Variants in PIP5K1B observed in about 807,000 individuals in gnomAD.
PIP5K1B encodes the protein phosphatidylinositol-4-phosphate 5-kinase type 1 beta.
PIP5K1B carries 42 observed loss-of-function variants against 67.0 expected under a neutral mutation model. The ratio of observed to expected loss-of-function variants is 0.63; its 90% CI spans 0.49 to 0.81. PIP5K1B has a LOEUF of 0.81. Among genes scored for constraint, PIP5K1B ranks in the 30% least tolerant of loss-of-function variants. The pLI, the probability that PIP5K1B is intolerant of heterozygous loss-of-function variation, is 0.00. For synonymous variants in PIP5K1B, 214 were observed against 231.4 expected, an observed-to-expected ratio of 0.92 and a Z score of 0.68; for missense variants, 459 against 646.3, an observed-to-expected ratio of 0.71 and a Z score of 3.14.
At chr9:68,992,352 G>A (rs911844446) in intron 15 of PIP5K1B, among the ~76,000 whole-genome samples, 4 of 152,260 alleles carry the variant, frequency 2.6e-5, no homozygotes, top group Non-Finnish European at 5.9e-5. Flanking sequence ...CCAATACTCT[G>A]TGTCGCTCCT....
chr9:68,913,248 G>T (rs940824886), intron 8 of PIP5K1B, among the ~76,000 whole-genome samples: 7 of 152,144 alleles, frequency 4.6e-5, no homozygotes, highest in East Asian at 3.8e-4. Context: ...AGAGCTAGAC[G>T]GAAAGGCACC....
intron 1 of PIP5K1B, among the ~76,000 whole-genome samples, chr9:68,715,458 C>T (rs1409052403): frequency 6.6e-6 from 1 of 152,170 alleles, no homozygotes; most frequent in Non-Finnish European, 1.5e-5. Context: ...ACTCTCGTTG[C>T]CCCCTTTGGA....
At chr9:68,947,057 C>A (rs1827836582) in intron 14 of PIP5K1B, among the ~76,000 whole-genome samples, 1 of 152,208 alleles carries the variant, frequency 6.6e-6, no homozygotes, top group African/African-American at 2.4e-5. Flanking sequence ...CTTGCAGCTG[C>A]CGCATAAGTC....
intron 12 of PIP5K1B, among the ~76,000 whole-genome samples, chr9:68,930,652 C>T (rs1020979397): frequency 6.6e-6 from 1 of 151,812 alleles, no homozygotes; most frequent in Admixed American, 6.6e-5. Flanking sequence ...TGCCTCCCAT[C>T]ATGTACCCAT....
At chr9:68,848,987 G>C (rs1174505253) in intron 4 of PIP5K1B, among the ~76,000 whole-genome samples, 1 of 152,214 alleles carries the variant, frequency 6.6e-6, no homozygotes, top group East Asian at 1.9e-4. Context: ...GGAGTATGAG[G>C]ATAGAATCAT....
At chr9:68,833,232 A>G (rs529347097) in intron 4 of PIP5K1B, among the ~76,000 whole-genome samples, 1 of 152,350 alleles carries the variant, frequency 6.6e-6, no homozygotes, top group South Asian at 2.1e-4. Flanking sequence ...TGCCTTTTAG[A>G]TAAGGTATTC....
intron 15 of PIP5K1B, among the ~76,000 whole-genome samples, chr9:68,995,821 AG>A (rs1830581360): frequency 6.6e-6 from 1 of 151,028 alleles, no homozygotes; most frequent in Non-Finnish European, 1.5e-5. Flanking sequence ...AAAAAAAAAA[AG>A]GAAGAAAGAA....
intron 4 of PIP5K1B, among the ~76,000 whole-genome samples, chr9:68,823,227 G>A (rs1324319137): frequency 3.9e-5 from 6 of 152,108 alleles, no homozygotes; most frequent in Admixed American, 3.9e-4. Flanking sequence ...GCCTTAGAAG[G>A]TGACATATTC....
intron 14 of PIP5K1B, among the ~76,000 whole-genome samples, chr9:68,941,597 A>T (rs991119266): frequency 1.3e-5 from 2 of 152,214 alleles, no homozygotes; most frequent in African/African-American, 4.8e-5. Flanking sequence ...AACAAATTTT[A>T]AAAAATAAGT....
chr9:68,810,993 G>A (rs1833133967), intron 2 of PIP5K1B, among the ~76,000 whole-genome samples: 1 of 152,202 alleles, frequency 6.6e-6, no homozygotes, highest in East Asian at 1.9e-4. Flanking sequence ...GACAACCCTG[G>A]ATCAAATCTC....
At chr9:68,971,151 C>T (rs75680829) in intron 14 of PIP5K1B, among the ~76,000 whole-genome samples, 3 of 152,222 alleles carry the variant, frequency 2.0e-5, no homozygotes, top group African/African-American at 7.2e-5. Context: ...GAGTGCCCCC[C>T]ACTCCCCGAC....
At chr9:68,828,061 C>T (rs1244659261) in intron 4 of PIP5K1B, among the ~76,000 whole-genome samples, 1 of 152,190 alleles carries the variant, frequency 6.6e-6, no homozygotes, top group Non-Finnish European at 1.5e-5. Context: ...CATGATGTCC[C>T]ATGTTGTCAT....
intron 2 of PIP5K1B, among the ~76,000 whole-genome samples, chr9:68,811,952 G>A (rs1215481589): frequency 6.6e-6 from 1 of 152,222 alleles, no homozygotes; most frequent in Non-Finnish European, 1.5e-5. Context: ...CCTGGTTTCA[G>A]TGTGTGGCCC....
chr9:68,883,789 A>C (rs11144115), intron 6 of PIP5K1B, among the ~76,000 whole-genome samples: 3,586 of 150,300 alleles, frequency 0.024, 74 homozygotes, highest in East Asian at 0.11. Context: ...ATAAAAACAG[A>C]CACATTGACC....
At chr9:68,897,553 C>T (rs1034616723) in intron 8 of PIP5K1B, among the ~76,000 whole-genome samples, 18 of 151,978 alleles carry the variant, frequency 1.2e-4, no homozygotes, top group African/African-American at 2.9e-4. Context: ...CAATGTGTTC[C>T]GGGAGCTATA....
intron 1 of PIP5K1B, among the ~76,000 whole-genome samples, chr9:68,707,339 G>T (rs1361144660): frequency 6.6e-6 from 1 of 152,136 alleles, no homozygotes; most frequent in African/African-American, 2.4e-5. Context: ...AAATTCTTTT[G>T]AGTGTTCTCA....
intron 1 of PIP5K1B, among the ~76,000 whole-genome samples, chr9:68,732,491 A>T (rs1828491502): frequency 6.6e-6 from 1 of 152,192 alleles, no homozygotes; most frequent in South Asian, 2.1e-4. Context: ...GGTGTTAGGG[A>T]TCAACCACAG....
At chr9:68,805,868 C>T (rs946662140) in intron 2 of PIP5K1B, among the ~76,000 whole-genome samples, 3 of 152,172 alleles carry the variant, frequency 2.0e-5, no homozygotes, top group Non-Finnish European at 4.4e-5. Context: ...GATACAGGGG[C>T]GCTCCCAGAA....
At chr9:68,955,445 C>G (rs1036180703) in intron 14 of PIP5K1B, among the ~76,000 whole-genome samples, 5 of 152,216 alleles carry the variant, frequency 3.3e-5, no homozygotes, top group African/African-American at 1.2e-4. Flanking sequence ...TGTCATTTGT[C>G]CCGTGTGTCA....
Sources: gnomAD v4.1 joint callset for allele counts (sites outside exome capture counted in the v4.1 genomes callset) on GRCh38, gnomAD v4.1.1 for gene constraint, MANE v1.5 for transcripts, NCBI Gene and HGNC (gene_info 2026-07-23, HGNC 2026-07-21) for gene names.